PIBF1: variants seen among roughly 807,000 people sequenced by gnomAD.
PIBF1 encodes the protein progesterone-induced-blocking factor 1.
Under a neutral mutation model 112.5 loss-of-function variants are expected in PIBF1, and 90 were observed. The observed-to-expected ratio is 0.80, with a 90% CI of 0.67 to 0.95. The LOEUF (loss-of-function observed/expected upper bound fraction) is 0.95, where lower values mean the gene tolerates loss of function less well. Among genes scored for constraint, PIBF1 ranks in the 40% least tolerant of loss-of-function variants. PIBF1 has a pLI of 0.00. For synonymous variants in PIBF1, 301 were observed against 288.6 expected, an observed-to-expected ratio of 1.04 and a Z score of -0.44; for missense variants, 915 against 852.3, an observed-to-expected ratio of 1.07 and a Z score of -0.92.
intron 16 of PIBF1, among the ~76,000 whole-genome samples, chr13:72,986,586 C>G (rs2043293494): frequency 6.6e-6 from 1 of 151,594 alleles, no homozygotes; most frequent in African/African-American, 2.4e-5. Context: ...GCCCAATTGT[C>G]TCTCATTTGC....
chr13:72,968,812 C>CT (rs931528153), intron 15 of PIBF1, among the ~76,000 whole-genome samples: 5 of 151,904 alleles, frequency 3.3e-5, no homozygotes, highest in Admixed American at 2.6e-4. Flanking sequence ...GACAGATTGC[C>CT]TGAGCCCAGG....
Position 72,879,401 on chromosome 13 carries a change from A to G in PIBF1, c.1323-14383A>G, listed in dbSNP as rs755373180. ...TCTGAGTTAGGAGTGTAGGGAAAGA[A>G]AGAAAATTAGAATATAAGCAATTTT... On this transcript the variant is annotated intron_variant, in intron 10 of 17. Transcript: ENST00000326291. 6.1e-5 allele frequency among the ~76,000 whole-genome samples: 9 copies of G among 147,108 alleles called. No homozygotes were observed. The East Asian group carries it at 6.2e-4, about 10-fold the overall frequency.
At chr13:72,827,351 C>T (rs138719905) in intron 7 of PIBF1, among the ~76,000 whole-genome samples, 3,497 of 145,694 alleles carry the variant, frequency 0.024, 125 homozygotes, top group African/African-American at 0.053. Context: ...CAGGTTCAAA[C>T]GATTCTCCTG....
At chr13:72,845,935 C>A (rs909585785) in intron 9 of PIBF1, among the ~76,000 whole-genome samples, 3 of 152,136 alleles carry the variant, frequency 2.0e-5, no homozygotes, top group African/African-American at 7.2e-5. Flanking sequence ...TCAGTTCTTA[C>A]CATGCTTCAC....
At chr13:72,989,206 T>C (rs1229476506) in intron 16 of PIBF1, among the ~76,000 whole-genome samples, 1 of 152,160 alleles carries the variant, frequency 6.6e-6, no homozygotes, top group Non-Finnish European at 1.5e-5. Flanking sequence ...TGCCCAGGTA[T>C]ATAAACAAAA....
chr13:72,793,711 G>A (rs1399050789), intron 3 of PIBF1, among the ~76,000 whole-genome samples: 1 of 152,106 alleles, frequency 6.6e-6, no homozygotes, highest in Non-Finnish European at 1.5e-5. Flanking sequence ...TTTTTGGAGG[G>A]CTGATGGATT....
intron 14 of PIBF1, among the ~76,000 whole-genome samples, chr13:72,934,283 A>G (rs897536994): frequency 1.3e-5 from 2 of 151,920 alleles, no homozygotes; most frequent in African/African-American, 4.8e-5. Context: ...CAGGATCTTT[A>G]TTCTTTATTT....
chr13:72,970,987 C>G (rs1476161726), intron 15 of PIBF1, among the ~76,000 whole-genome samples: 1 of 152,122 alleles, frequency 6.6e-6, no homozygotes, highest in Non-Finnish European at 1.5e-5. Flanking sequence ...GTTTATCCCC[C>G]CACCATTTAT....
At chr13:73,009,489 T>C (rs1015761689) in intron 17 of PIBF1, among the ~76,000 whole-genome samples, 1 of 152,180 alleles carries the variant, frequency 6.6e-6, no homozygotes, top group Non-Finnish European at 1.5e-5. Flanking sequence ...CACAGAGTAG[T>C]TAGTCAAATA....
At chr13:72,955,120 ATATTT>A (rs1004835286) in intron 14 of PIBF1, among the ~76,000 whole-genome samples, 1 of 152,224 alleles carries the variant, frequency 6.6e-6, no homozygotes, top group African/African-American at 2.4e-5. Flanking sequence ...ATATAAAGTA[ATATTT>A]TAATTATGTT....
rs566794630 is a variant in PIBF1 at position 73,016,126 on chromosome 13, AAT to A, written c.*214_*215del. On this transcript the variant is annotated 3_prime_UTR_variant, in exon 18 of 18. Transcript: ENST00000326291. ...ATTTTTTTTTCTATTTTATAAAATA[AAT>A]ATATATGCTATGCTTTAAATTTTGG... 128 of 218,286 alleles carry A rather than the reference AAT, an allele frequency of 5.9e-4. 1 individual carries two copies. The highest frequency in any genetic ancestry group is 2.9e-3 in the African/African-American group (126 of 43,696). The allele number at this position is 218,286 out of a possible 1,614,324, so 13.5% of individuals were successfully genotyped here.
intron 12 of PIBF1, among the ~76,000 whole-genome samples, chr13:72,914,875 C>T (rs1210042852): frequency 1.3e-5 from 2 of 152,176 alleles, no homozygotes; most frequent in African/African-American, 4.8e-5. Context: ...CCACCATGCA[C>T]AGCTGAAAAT....
intron 5 of PIBF1, among the ~76,000 whole-genome samples, chr13:72,811,595 C>CAAAA (rs770232789): frequency 0.035 from 1,410 of 40,022 alleles, 34 homozygotes; most frequent in African/African-American, 0.12. Context: ...AACTCCGTCT[C>CAAAA]AAAAAAAAAA....
intron 17 of PIBF1, among the ~76,000 whole-genome samples, chr13:73,013,282 C>A (rs1594370732): frequency 8.9e-6 from 1 of 112,336 alleles, no homozygotes; most frequent in Non-Finnish European, 1.6e-5. Flanking sequence ...GCCTGGGCGA[C>A]AGAGCGAGAC....
chr13:72,842,365 AAG>A (rs1008551654), intron 9 of PIBF1, among the ~76,000 whole-genome samples: 2 of 152,196 alleles, frequency 1.3e-5, no homozygotes, highest in African/African-American at 4.8e-5. Flanking sequence ...AATTGTTTGA[AAG>A]GGGGTAGGCA....
chr13:72,952,035 C>CTTTTTTTTTTTTTTTTTTTTTTTTTT (rs67211238), intron 14 of PIBF1, among the ~76,000 whole-genome samples: 3 of 122,996 alleles, frequency 2.4e-5, no homozygotes, highest in Admixed American at 8.8e-5. Context: ...TTTCTTTTCT[C>CTTTTTTTTTTTTTTTTTTTTTTTTTT]TTTTTTTTTT....
rs557299230 is a variant in PIBF1, at chr13:72,868,990, A to C, written c.1322+14835A>C. On this transcript the variant is annotated intron_variant, in intron 10 of 17. Transcript: ENST00000326291. ...AACAGGTGCTGGAGAGGATGTGGAGAAATAGGAACACTTTTACACTGTTGG... is the reference window on the plus strand; with the variant it reads ...AACAGGTGCTGGAGAGGATGTGGAGCAATAGGAACACTTTTACACTGTTGG... Among the ~76,000 whole-genome samples, 6 of 152,252 alleles carry C rather than the reference A, an allele frequency of 3.9e-5. No individual in the cohort carries two copies. The South Asian group carries it at 1.2e-3, about 32-fold the overall frequency.
intron 10 of PIBF1, among the ~76,000 whole-genome samples, chr13:72,865,244 T>C (rs1230050555): frequency 6.6e-6 from 1 of 152,176 alleles, no homozygotes; most frequent in Admixed American, 6.6e-5. Flanking sequence ...GTTTAACTGT[T>C]CTATACGTAT....
intron 15 of PIBF1, among the ~76,000 whole-genome samples, chr13:72,968,944 G>T (rs981064315): frequency 7.9e-5 from 12 of 152,028 alleles, no homozygotes; most frequent in African/African-American, 2.9e-4. Flanking sequence ...AGGAGGCTGA[G>T]GTGGGAGGAT....
Sources: allele counts gnomAD v4.1 joint callset (sites outside exome capture counted in the v4.1 genomes callset), GRCh38; gene constraint gnomAD v4.1.1; transcripts MANE v1.5; gene names NCBI Gene and HGNC (gene_info 2026-07-23, HGNC 2026-07-21).